The following ADGRL3 variants were observed in gnomAD, a reference collection of about 807,000 sequenced individuals.
The protein encoded by ADGRL3 is adhesion G protein-coupled receptor L3.
In ADGRL3, 62 loss-of-function variants were observed where a neutral mutation model predicts 153.5. The observed-to-expected ratio is 0.40, with a 90% confidence interval of 0.33 to 0.50. The LOEUF (loss-of-function observed/expected upper bound fraction) is 0.50, where lower values mean the gene tolerates loss of function less well. ADGRL3 is among the 20% of genes least tolerant of loss of function. The pLI, the probability that ADGRL3 is intolerant of heterozygous loss-of-function variation, is 0.47. For missense variants in ADGRL3, 1,641 were observed against 1,859.4 expected (o/e 0.88, Z 2.16); for synonymous variants, 710 against 672.5 (o/e 1.06, Z -0.86).
chr4:61,875,087 C>T lies in ADGRL3; in HGVS notation c.1481-17569C>T, dbSNP rs1297319877. ...CCTCCCAAAGTGCTGGGATTACAGG[C>T]GTGAGCCACCGCGCCCGGCCCAAAA... is the stretch of plus-strand genomic sequence containing the variant. On this transcript the variant is annotated intron_variant, in intron 9 of 26. Coordinates refer to ENST00000683033, the MANE Select transcript of ADGRL3 (RefSeq NM_001387552.1). Among the ~76,000 whole-genome samples, 5 of 151,802 alleles carry T rather than the reference C, an allele frequency of 3.3e-5. No homozygotes were observed. The South Asian group carries it at 6.2e-4, about 19-fold the overall frequency.
intron 9 of ADGRL3, among the ~76,000 whole-genome samples, chr4:61,847,347 A>T (rs1175418588): frequency 6.6e-6 from 1 of 151,092 alleles, no homozygotes; most frequent in Non-Finnish European, 1.5e-5. Flanking sequence ...CTGCAGAAGA[A>T]GTATTATACC....
chr4:62,011,846 G>A (rs1338245551), intron 21 of ADGRL3, among the ~76,000 whole-genome samples: 1 of 152,032 alleles, frequency 6.6e-6, no homozygotes, highest in Non-Finnish European at 1.5e-5. Flanking sequence ...AAGGCTAAGT[G>A]AAATAAACAT....
At chr4:61,657,577 C>G (rs1374373178) in intron 5 of ADGRL3, among the ~76,000 whole-genome samples, 1 of 151,850 alleles carries the variant, frequency 6.6e-6, no homozygotes, top group Non-Finnish European at 1.5e-5. Context: ...CACCAAGAGT[C>G]AACAAACAAA....
At chr4:61,988,454 T>C (rs371206861) in intron 19 of ADGRL3, among the ~76,000 whole-genome samples, 1 of 152,132 alleles carries the variant, frequency 6.6e-6, no homozygotes, top group East Asian at 1.9e-4. Context: ...CATATGGATA[T>C]TCAGTGGGAT....
intron 1 of ADGRL3, among the ~76,000 whole-genome samples, chr4:61,338,419 A>AAG (rs1560491947): frequency 1.4e-5 from 2 of 141,666 alleles, no homozygotes; most frequent in African/African-American, 2.6e-5. Context: ...GTGTGTGTGA[A>AAG]AGAGAGAGAG....
At chr4:61,596,794 T>C (rs2098990795) in intron 5 of ADGRL3, among the ~76,000 whole-genome samples, 1 of 152,002 alleles carries the variant, frequency 6.6e-6, no homozygotes, top group South Asian at 2.1e-4. Context: ...AAAGTTCAAG[T>C]CTGCAGGAAG....
chr4:61,511,261 C>T (rs1337688028), intron 3 of ADGRL3, among the ~76,000 whole-genome samples: 6 of 152,012 alleles, frequency 3.9e-5, no homozygotes, highest in African/African-American at 7.3e-5. Context: ...CTCAACTACT[C>T]GGGACGTTGC....
At chr4:61,323,464 G>T (rs962907010) in intron 1 of ADGRL3, among the ~76,000 whole-genome samples, 1 of 151,544 alleles carries the variant, frequency 6.6e-6, no homozygotes, top group Non-Finnish European at 1.5e-5. Context: ...TTTCCCCTTT[G>T]AAACTGAATG....
At chr4:61,318,193 CAAAAAAAAA>C (rs757545966) in intron 1 of ADGRL3, among the ~76,000 whole-genome samples, 1 of 48,606 alleles carries the variant, frequency 2.1e-5, no homozygotes, top group African/African-American at 5.6e-5. Context: ...GAACCTGTCT[CAAAAAAAAA>C]AAAAAAAAAA....
chr4:61,840,628 G>A (rs2098016031), intron 9 of ADGRL3, among the ~76,000 whole-genome samples: 1 of 152,074 alleles, frequency 6.6e-6, no homozygotes, highest in Non-Finnish European at 1.5e-5. Context: ...CCTTTGGGAG[G>A]TTATAATAAA....
chr4:61,634,322 C>G (rs1454315260), intron 5 of ADGRL3, among the ~76,000 whole-genome samples: 1 of 152,120 alleles, frequency 6.6e-6, no homozygotes, highest in Non-Finnish European at 1.5e-5. Context: ...TACTACTTAA[C>G]AGCTCCATAC....
At chr4:61,599,647 A>G (rs2099002916) in intron 5 of ADGRL3, among the ~76,000 whole-genome samples, 1 of 152,104 alleles carries the variant, frequency 6.6e-6, no homozygotes. Context: ...TAATTTCTTT[A>G]TGGTCAGTTT....
At chr4:61,312,644 A>G (rs2095056206) in intron 1 of ADGRL3, among the ~76,000 whole-genome samples, 1 of 152,222 alleles carries the variant, frequency 6.6e-6, no homozygotes, top group Admixed American at 6.5e-5. Flanking sequence ...ACTTAACATT[A>G]TATGACATTA....
chr4:61,304,991 A>G (rs1046494896), intron 1 of ADGRL3, among the ~76,000 whole-genome samples: 3 of 152,228 alleles, frequency 2.0e-5, no homozygotes, highest in Non-Finnish European at 2.9e-5. Context: ...CTCAAGATAT[A>G]GATAAAGAAA....
At chr4:61,485,270 T>C (rs1048773158) in intron 2 of ADGRL3, among the ~76,000 whole-genome samples, 2 of 152,198 alleles carry the variant, frequency 1.3e-5, no homozygotes, top group Non-Finnish European at 2.9e-5. Flanking sequence ...AAAATTATAT[T>C]GCGATATTTT....
At chr4:61,422,000 C>A (rs2097212798) in intron 2 of ADGRL3, among the ~76,000 whole-genome samples, 1 of 152,166 alleles carries the variant, frequency 6.6e-6, no homozygotes. Context: ...TTCAATACCA[C>A]AAGTTGTGTG....
chr4:61,561,819 T>G (rs1211015654), intron 4 of ADGRL3, among the ~76,000 whole-genome samples: 1 of 152,020 alleles, frequency 6.6e-6, no homozygotes, highest in Admixed American at 6.6e-5. Context: ...ATTATTATTT[T>G]GGGAGGGATG....
intron 17 of ADGRL3, among the ~76,000 whole-genome samples, chr4:61,955,914 AT>A (rs1025440292): frequency 2.6e-5 from 4 of 151,794 alleles, no homozygotes; most frequent in Non-Finnish European, 5.9e-5. Context: ...TATGTACCAC[AT>A]TTTTTTTATC....
intron 25 of ADGRL3, among the ~76,000 whole-genome samples, chr4:62,066,603 C>G (rs1039236334): frequency 1.3e-5 from 2 of 151,992 alleles, no homozygotes; most frequent in South Asian, 4.2e-4. Flanking sequence ...AAAAACCTGT[C>G]AACAAAACAT....
Sources: gnomAD v4.1 joint callset for allele counts (sites outside exome capture counted in the v4.1 genomes callset) on GRCh38, gnomAD v4.1.1 for gene constraint, MANE v1.5 for transcripts, NCBI Gene and HGNC (gene_info 2026-07-23, HGNC 2026-07-21) for gene names.